Variants in ADAMTS17 observed in about 807,000 individuals in gnomAD.
ADAMTS17 encodes ADAM metallopeptidase with thrombospondin type 1 motif 17.
Under a neutral mutation model 141.5 loss-of-function variants are expected in ADAMTS17, and 113 were observed. The ratio of observed to expected loss-of-function variants is 0.80; its 90% CI spans 0.69 to 0.93. The LOEUF (loss-of-function observed/expected upper bound fraction) is 0.93. Ranked by LOEUF, ADAMTS17 falls within the 40% of genes least tolerant of loss-of-function variation. ADAMTS17 has a pLI of 0.00. For synonymous variants in ADAMTS17, 768 were observed against 630.6 expected, an observed-to-expected ratio of 1.22 and a Z score of -3.27; for missense variants, 1,659 against 1,517.9, an observed-to-expected ratio of 1.09 and a Z score of -1.54.
chr15:100,111,820 T>C (rs2036802621), intron 13 of ADAMTS17, among the ~76,000 whole-genome samples: 1 of 152,252 alleles, frequency 6.6e-6, no homozygotes, highest in Admixed American at 6.5e-5. Context: ...GTGCTGTCAC[T>C]GTTCCATTAT....
Position 100,234,153 on chromosome 15 carries a change from C to T in ADAMTS17, c.1075+19983G>A, listed in dbSNP as rs73478094. Among the ~76,000 whole-genome samples the T allele has an allele frequency of 6.6e-5, 10 of 152,126 alleles. No homozygotes were observed. In the South Asian group the frequency reaches 8.3e-4, roughly 13 times the overall value. On this transcript the variant is annotated intron_variant, in intron 7 of 21. Coordinates refer to ENST00000268070, the MANE Select transcript of ADAMTS17 (RefSeq NM_139057.4). ...CCGGTGTGGTTCAAAGAGGTCTGAT[C>T]GGGAATATATTTTGAAGGTGGAGTG...
chr15:100,126,224 C>G (rs1261424046), intron 12 of ADAMTS17: 2 of 152,348 alleles, frequency 1.3e-5, no homozygotes, highest in South Asian at 4.1e-4. Flanking sequence ...GCTGGTAATC[C>G]ACCCACCCAA....
At chr15:100,046,363 C>T (rs542293517) in intron 18 of ADAMTS17, among the ~76,000 whole-genome samples, 73 of 152,224 alleles carry the variant, frequency 4.8e-4, no homozygotes, top group African/African-American at 1.7e-3. Flanking sequence ...GTGGAAAAGG[C>T]GGAGTAGACT....
At chr15:100,233,530 G>C (rs2042556681) in intron 7 of ADAMTS17, among the ~76,000 whole-genome samples, 1 of 152,118 alleles carries the variant, frequency 6.6e-6, no homozygotes, top group Non-Finnish European at 1.5e-5. Context: ...GTTTTGATTA[G>C]TGAAATCAGT....
At chr15:100,303,402 T>C (rs1195249539) in intron 3 of ADAMTS17, among the ~76,000 whole-genome samples, 2 of 151,562 alleles carry the variant, frequency 1.3e-5, no homozygotes, top group South Asian at 2.1e-4. Flanking sequence ...TCTCCCATCA[T>C]ATGAGTTGTA....
chr15:100,277,929 C>T (rs763480348), intron 4 of ADAMTS17, among the ~76,000 whole-genome samples: 9 of 152,174 alleles, frequency 5.9e-5, no homozygotes, highest in African/African-American at 2.2e-4. Flanking sequence ...AGGTGATGCA[C>T]GTACGTGCAA....
intron 15 of ADAMTS17, chr15:100,074,107 A>T (rs990962982): frequency 1.2e-4 from 19 of 153,046 alleles, no homozygotes; most frequent in Admixed American, 1.0e-3. Flanking sequence ...TTTCTCACCC[A>T]TCCAAGTACT....
chr15:99,977,199 G>A (rs994305629), intron 20 of ADAMTS17, among the ~76,000 whole-genome samples: 7 of 150,662 alleles, frequency 4.6e-5, no homozygotes, highest in African/African-American at 7.3e-5. Flanking sequence ...TGTTGATTTA[G>A]ACATCCCTGG....
Position 99,976,142 on chromosome 15 carries a change from C to G in ADAMTS17, c.3030G>C (p.Glu1010Asp), listed in dbSNP as rs1488301776. ...GGGCAGGCTTCGAGAGGGCGGGGCA[C>G]TCGCTGCCGTGGCGCCCTGTGACCT... is the stretch of plus-strand genomic sequence containing the variant. ...MHKVTGRHGS[E>D]CPALSKPAPY... Residue 1010 changes from glutamate (E) to aspartate (D), a missense_variant, in exon 21 of 22, where the codon GAG (glutamate) becomes GAC (aspartate). Transcript: ENST00000268070. 6.4e-7 allele frequency: 1 copy of G among 1,550,988 alleles called. No individual in the cohort carries two copies. Among genetic ancestry groups the G allele is most frequent in the Admixed American group, 2.0e-5 (1 of 51,008 alleles).
At chr15:99,994,151 C>T (rs1238000503) in intron 19 of ADAMTS17, among the ~76,000 whole-genome samples, 1 of 152,144 alleles carries the variant, frequency 6.6e-6, no homozygotes, top group Non-Finnish European at 1.5e-5. Context: ...AGACAAAACT[C>T]ACAAACAAGT....
intron 3 of ADAMTS17, among the ~76,000 whole-genome samples, chr15:100,312,717 C>G (rs963930794): frequency 6.6e-6 from 1 of 152,128 alleles, no homozygotes; most frequent in African/African-American, 2.4e-5. Flanking sequence ...GAGAAGGTGA[C>G]ATCCAAATTG....
chr15:100,263,659 G>A (rs939338278), intron 4 of ADAMTS17, among the ~76,000 whole-genome samples: 7 of 152,200 alleles, frequency 4.6e-5, no homozygotes, highest in African/African-American at 7.2e-5. Flanking sequence ...TTGCCATAAC[G>A]CAGAGAAAAC....
At chr15:100,193,480 G>A (rs889146155) in intron 8 of ADAMTS17, among the ~76,000 whole-genome samples, 6 of 152,150 alleles carry the variant, frequency 3.9e-5, no homozygotes, top group African/African-American at 1.4e-4. Flanking sequence ...GAGGCATGGC[G>A]GAAAGAGATG....
intron 7 of ADAMTS17, among the ~76,000 whole-genome samples, chr15:100,218,503 G>C (rs538837672): frequency 7.2e-5 from 11 of 152,294 alleles, no homozygotes; most frequent in African/African-American, 2.6e-4. Flanking sequence ...AGCCATTAGA[G>C]AAAGGCAAAT....
intron 10 of ADAMTS17, among the ~76,000 whole-genome samples, chr15:100,152,233 G>A (rs2039202033): frequency 1.3e-5 from 2 of 152,142 alleles, no homozygotes; most frequent in African/African-American, 2.4e-5. Context: ...GAAGTCAGGC[G>A]ACAGTGTCCT....
chr15:100,286,789 T>A (rs2044462021), intron 3 of ADAMTS17, among the ~76,000 whole-genome samples: 1 of 151,532 alleles, frequency 6.6e-6, no homozygotes. Context: ...ACTAGATGGT[T>A]CTTAACCAGG....
chr15:99,991,069 T>C (rs1361351838), intron 20 of ADAMTS17, among the ~76,000 whole-genome samples: 1 of 152,114 alleles, frequency 6.6e-6, no homozygotes, highest in Non-Finnish European at 1.5e-5. Flanking sequence ...ATGAAAACCC[T>C]AGAAGAAAAC....
chr15:100,319,416 A>G (rs1324347421), intron 3 of ADAMTS17, among the ~76,000 whole-genome samples: 1 of 152,222 alleles, frequency 6.6e-6, no homozygotes, highest in Non-Finnish European at 1.5e-5. Flanking sequence ...ACACTCCTCA[A>G]GAAATTCAGA....
chr15:100,213,693 T>C (rs1224261605), intron 7 of ADAMTS17, among the ~76,000 whole-genome samples: 2 of 152,230 alleles, frequency 1.3e-5, no homozygotes, highest in Non-Finnish European at 2.9e-5. Context: ...CTTCTATTCA[T>C]CCTATCCCTT....
Sources: gnomAD v4.1 joint callset for allele counts (sites outside exome capture counted in the v4.1 genomes callset) on GRCh38, gnomAD v4.1.1 for gene constraint, MANE v1.5 for transcripts, NCBI Gene and HGNC (gene_info 2026-07-23, HGNC 2026-07-21) for gene names.